The following ELAVL2 variants were observed in gnomAD, a reference collection of about 807,000 sequenced individuals.
The protein encoded by ELAVL2 is ELAV like RNA binding protein 2.
A neutral mutation model predicts 34.6 loss-of-function variants in ELAVL2; 4 were observed. The observed-to-expected ratio is 0.12, with a 90% CI of 0.06 to 0.26. ELAVL2 has a LOEUF of 0.26. Among genes scored for constraint, ELAVL2 ranks in the 10% least tolerant of loss-of-function variants. ELAVL2 has a pLI of 1.00. For missense variants in ELAVL2, 432 were observed against 442.8 expected (o/e 0.98, Z 0.22); for synonymous variants, 193 against 154.8 (o/e 1.25, Z -1.83).
At chr9:23,802,362 A>G (rs1439146909) in intron 1 of ELAVL2, among the ~76,000 whole-genome samples, 1 of 152,224 alleles carries the variant, frequency 6.6e-6, no homozygotes, top group African/African-American at 2.4e-5. Flanking sequence ...AGAGAAAGCA[A>G]GCCCCAAGAC....
At chr9:23,720,633 C>A (rs1221557480) in intron 3 of ELAVL2, among the ~76,000 whole-genome samples, 1 of 152,188 alleles carries the variant, frequency 6.6e-6, no homozygotes, top group Non-Finnish European at 1.5e-5. Flanking sequence ...TGCATTATTT[C>A]TTAGGTAAAT....
At chr9:23,811,098 T>C (rs1366568376) in intron 1 of ELAVL2, among the ~76,000 whole-genome samples, 1 of 152,192 alleles carries the variant, frequency 6.6e-6, no homozygotes, top group East Asian at 1.9e-4. Flanking sequence ...GTCTTCACTC[T>C]TCCTGTCTAG....
At chr9:23,832,450 T>C in the ELAVL2 span, 2 of 152,234 alleles carry the variant, frequency 1.3e-5, no homozygotes, top group African/African-American at 4.8e-5. Context: ...TGAAATTTTA[T>C]GCATTATTTA....
In ELAVL2 at chr9:23,826,082, A is replaced by G. The variant is rs1791307802; in HGVS notation, c.-292T>C. On this transcript the variant is annotated 5_prime_UTR_variant, in exon 1 of 7. Coordinates refer to ENST00000397312, the MANE Select transcript of ELAVL2 (RefSeq NM_004432.5). ...CTCCTATTGCCGTTCAACTAAACAA[A>G]AAGGGGCAAGAAAAACAAACCAAGG... 1 of 152,256 alleles carries G rather than the reference A, an allele frequency of 6.6e-6. No individual in the cohort carries two copies. The highest frequency in any genetic ancestry group is 6.5e-5 in the Admixed American group (1 of 15,288). 9.4% of individuals were successfully genotyped at this position (152,256 alleles called of 1,614,324 possible). A position where few individuals can be genotyped will look rare whatever the true frequency, so the allele number is the denominator to read the frequency against.
intron 2 of ELAVL2, among the ~76,000 whole-genome samples, chr9:23,747,080 T>TAC (rs1425500171): frequency 2.6e-5 from 4 of 152,034 alleles, no homozygotes. Context: ...CTCCACCCCC[T>TAC]ACCTTATCCT....
intron 1 of ELAVL2, among the ~76,000 whole-genome samples, chr9:23,803,729 C>T (rs1282323777): frequency 6.6e-6 from 1 of 152,134 alleles, no homozygotes; most frequent in Non-Finnish European, 1.5e-5. Flanking sequence ...ATCCTCTTCT[C>T]CTGGGGGGTT....
intron 1 of ELAVL2, among the ~76,000 whole-genome samples, chr9:23,815,553 C>A (rs2063585253): frequency 6.6e-6 from 1 of 152,188 alleles, no homozygotes; most frequent in African/African-American, 2.4e-5. Context: ...CACCTACTAC[C>A]ACCTTTCCAA....
At chr9:23,695,749 G>A (rs1203012472) in intron 5 of ELAVL2, among the ~76,000 whole-genome samples, 1 of 152,082 alleles carries the variant, frequency 6.6e-6, no homozygotes, top group Non-Finnish European at 1.5e-5. Context: ...CATAGAAAAG[G>A]TAATGCATTG....
At chr9:23,755,207 CAA>C (rs1306233915) in intron 2 of ELAVL2, among the ~76,000 whole-genome samples, 1 of 152,084 alleles carries the variant, frequency 6.6e-6, no homozygotes. Context: ...AGGTACTAAA[CAA>C]AAGAGGACAG....
chr9:23,783,879 CAT>C (rs2059373976), intron 1 of ELAVL2, among the ~76,000 whole-genome samples: 1 of 152,118 alleles, frequency 6.6e-6, no homozygotes, highest in Non-Finnish European at 1.5e-5. Flanking sequence ...GCAAAGTACA[CAT>C]AGTTGCAATC....
At chr9:23,705,966 C>A (rs553962781) in intron 3 of ELAVL2, among the ~76,000 whole-genome samples, 11 of 152,008 alleles carry the variant, frequency 7.2e-5, no homozygotes, top group African/African-American at 2.2e-4. Flanking sequence ...GGTAGTGCTA[C>A]ATTTCTAAAA....
At position 23,695,273 on chromosome 9, in the gene ELAVL2, C is replaced by T. The variant is rs78216241; in HGVS notation, c.714-1787G>A. On this transcript the variant is annotated intron_variant, in intron 5 of 6. Transcript: ENST00000397312. The stretch of plus-strand genomic sequence containing the variant: ...GCATATGCTACCTGTAGAAGAGAAC[C>T]GCATACTGAGGTCTCCAACCAAAGT... Among the ~76,000 whole-genome samples, 809 of 152,146 alleles carry T rather than the reference C, an allele frequency of 5.3e-3. 7 individuals carry two copies. The highest frequency in any genetic ancestry group is 0.018 in the African/African-American group (763 of 41,516).
At chr9:23,721,421 T>A (rs1353581338) in intron 3 of ELAVL2, among the ~76,000 whole-genome samples, 1 of 152,212 alleles carries the variant, frequency 6.6e-6, no homozygotes, top group Non-Finnish European at 1.5e-5. Flanking sequence ...TTTTTCTGAA[T>A]TATTAGTTTC....
At chr9:23,707,465 G>T (rs778271317) in intron 3 of ELAVL2, among the ~76,000 whole-genome samples, 1 of 152,024 alleles carries the variant, frequency 6.6e-6, no homozygotes. Context: ...CTCCCATTAT[G>T]AACAGCCATG....
chr9:23,692,392 A>C lies in ELAVL2; in HGVS notation c.*165T>G. The C allele has an allele frequency of 1.4e-6, 1 of 720,938 alleles. No individual in the cohort carries two copies. The highest frequency in any genetic ancestry group is 2.2e-6 in the Non-Finnish European group (1 of 453,878). The allele number at this position is 720,938 out of a possible 1,614,324, so 44.7% of individuals were successfully genotyped here. On this transcript the variant is annotated 3_prime_UTR_variant, in exon 7 of 7. Transcript: ENST00000397312. ...AAGATATTTAAGAAGTTTTAATTCA[A>C]ATACTAGCAATAAAAAATCTCACAT...
intron 4 of ELAVL2, among the ~76,000 whole-genome samples, chr9:23,703,809 C>T (rs768064276): frequency 6.6e-6 from 1 of 152,192 alleles, no homozygotes; most frequent in Non-Finnish European, 1.5e-5. Flanking sequence ...ACAAAAACAA[C>T]CTCACAAATC....
chr9:23,787,962 G>A (rs2137087424), intron 1 of ELAVL2, among the ~76,000 whole-genome samples: 1 of 152,246 alleles, frequency 6.6e-6, no homozygotes, highest in Non-Finnish European at 1.5e-5. Flanking sequence ...ACTAACTTCA[G>A]GGAAAGTCTG....
At chr9:23,830,893 G>A (rs896688461), upstream of ELAVL2, among the ~76,000 whole-genome samples, 5 of 151,852 alleles carry the variant, frequency 3.3e-5, no homozygotes, top group Admixed American at 6.6e-5. Flanking sequence ...GACTAGGCGA[G>A]GGTGAAGGAA....
At chr9:23,769,212 CAAACAAA>C (rs1220483143) in intron 1 of ELAVL2, among the ~76,000 whole-genome samples, 1 of 152,024 alleles carries the variant, frequency 6.6e-6, no homozygotes. Flanking sequence ...CACAAACAAA[CAAACAAA>C]AAACAAAACC....
Sources: gnomAD v4.1 joint callset for allele counts (sites outside exome capture counted in the v4.1 genomes callset) on GRCh38, gnomAD v4.1.1 for gene constraint, MANE v1.5 for transcripts, NCBI Gene and HGNC (gene_info 2026-07-23, HGNC 2026-07-21) for gene names.